Variants in OR8H1 observed in about 807,000 individuals in gnomAD.
The protein encoded by OR8H1 is olfactory receptor 8H1.
For missense variants in OR8H1, 388 were observed against 374.1 expected (o/e 1.04, Z -0.31); for synonymous variants, 135 against 134.5 (o/e 1.00, Z -0.03).
At position 56,290,205 on chromosome 11, in the gene OR8H1, T is replaced by G; in HGVS notation, c.858A>C (p.Pro286=). ...FYTIVIPMLN[P]LIYSLRNKEV... is the part of the protein sequence containing the mutation. Reference sequence around the variant, plus strand: ...CTTTGTTTCTAAGACTATAAATGAGTGGATTCAGCATGGGAATCACAATAG... The same window carrying G: ...CTTTGTTTCTAAGACTATAAATGAGGGGATTCAGCATGGGAATCACAATAG... Residue 286 remains proline (P), a synonymous_variant, in exon 2 of 2, where the codon CCA becomes CCC. Transcript: ENST00000641600. 1 of 1,612,114 alleles carries G rather than the reference T, an allele frequency of 6.2e-7. No individual in the cohort carries two copies. Among genetic ancestry groups the G allele is most frequent in the African/African-American group, 1.3e-5 (1 of 74,764 alleles).
rs759750520 is a variant in OR8H1, at chr11:56,290,152, A to T, written c.911T>A (p.Met304Lys). ...KEVKNALIRV[M>K]QRRQDSR is the part of the protein sequence containing the mutation. Reference sequence around the variant, plus strand: ...TTACCTGGAGTCCTGTCTTCTCTGCATGACTCTAATGAGAGCATTTTTAAC... The same window carrying T: ...TTACCTGGAGTCCTGTCTTCTCTGCTTGACTCTAATGAGAGCATTTTTAAC... Residue 304 changes from methionine to lysine, a missense_variant, in exon 2 of 2, where the codon ATG becomes AAG. Transcript: ENST00000641600. The T allele has an allele frequency of 6.2e-7, 1 of 1,606,898 alleles. No individual in the cohort carries two copies. Among genetic ancestry groups the T allele is most frequent in the Non-Finnish European group, 8.5e-7 (1 of 1,177,138 alleles).
rs191885508 is a variant in OR8H1 at position 56,290,914 on chromosome 11, C to G, written c.149G>C (p.Arg50Pro). The G allele has an allele frequency of 3.7e-6, 6 of 1,613,998 alleles. No homozygotes were observed. The highest frequency in any genetic ancestry group is 5.1e-6 in the Non-Finnish European group (6 of 1,179,994). The change falls in exon 2 of 2, where the codon CGC becomes CCC. Residue 50 changes from arginine to proline, a missense_variant. By Grantham distance (103) the Arg-to-Pro change is moderately radical. Transcript: ENST00000641600. ...LGNVGMILII[R>P]LDLQLHTPMY... ...GGGAGTGTGAAGCTGGAGGTCCAGG[C>G]GGATTATCAATATCATCCCCACATT... is the stretch of plus-strand genomic sequence containing the variant.
At chr11:56,291,720 A>T (rs1854154903) in intron 1 of OR8H1, among the ~76,000 whole-genome samples, 1 of 152,100 alleles carries the variant, frequency 6.6e-6, no homozygotes, top group Admixed American at 6.5e-5. Context: ...TACAAATATG[A>T]TGTTTTAGTA....
rs768104513 is a variant in OR8H1 at position 56,290,201 on chromosome 11, TG to T, written c.861del (p.Ile288PhefsTer26). 2 of 1,612,236 alleles carry T rather than the reference TG, an allele frequency of 1.2e-6. No homozygotes were observed. ...ACTTCTTTGTTTCTAAGACTATAAATGAGTGGATTCAGCATGGGAATCACAA... is the reference window on the plus strand; with the variant it reads ...ACTTCTTTGTTTCTAAGACTATAAATAGTGGATTCAGCATGGGAATCACAA... ...YTIVIPMLNPLIYSLRNKEVK... is the reference protein window; with the variant it reads ...YTIVIPMLNPXIYSLRNKEVK... On this transcript the variant is annotated frameshift_variant, in exon 2 of 2. Transcript: ENST00000641600. LOFTEE classifies it low-confidence loss of function (END_TRUNC).
At position 56,290,118 on chromosome 11, in the gene OR8H1, C is replaced by A; in HGVS notation, c.*9G>T. On this transcript the variant is annotated 3_prime_UTR_variant, in exon 2 of 2. Coordinates refer to ENST00000641600, the MANE Select transcript of OR8H1 (RefSeq NM_001005199.2). The stretch of plus-strand genomic sequence containing the variant: ...TGAGTTTAAATGTTCAGCATTCCTG[C>A]TATTTTAATTACCTGGAGTCCTGTC... 1 of 1,583,284 alleles carries A rather than the reference C, an allele frequency of 6.3e-7. No homozygotes were observed.
intron 1 of OR8H1, among the ~76,000 whole-genome samples, 170 bp downstream of exon 1, chr11:56,291,781 T>C (rs891175647): frequency 3.9e-5 from 6 of 152,162 alleles, no homozygotes; most frequent in Admixed American, 1.3e-4. Flanking sequence ...GATCAAAATA[T>C]GTACTTTGCT....
Position 56,290,304 on chromosome 11 carries a change from A to G in OR8H1, c.759T>C (p.Thr253=). Residue 253 remains threonine (T), a synonymous_variant, in exon 2 of 2, where the codon ACT becomes ACC. Transcript: ENST00000641600. ...HLLGVTIFYG[T]MIFTYLKPRK... The stretch of plus-strand genomic sequence containing the variant: ...TTGGTTTTAAATAAGTAAAAATCAT[A>G]GTTCCATAAAAGATGGTGACTCCCA... 6.2e-7 allele frequency: 1 copy of G among 1,613,474 alleles called. No homozygotes were observed. The highest frequency in any genetic ancestry group is 8.5e-7 in the Non-Finnish European group (1 of 1,179,846).
rs888106428 is a variant in OR8H1, at chr11:56,288,807, A to G, written c.*1320T>C. 2 of 152,166 alleles carry G rather than the reference A, an allele frequency of 1.3e-5. No homozygotes were observed. The highest frequency in any genetic ancestry group is 2.9e-5 in the Non-Finnish European group (2 of 67,974). The allele number at this position is 152,166 out of a possible 1,614,324, so 9.4% of individuals were successfully genotyped here. ...ACATATTCAAAACTATTGATCTCGAAGAACATGCACAAAACTCGATATTTG... is the reference window on the plus strand; with the variant it reads ...ACATATTCAAAACTATTGATCTCGAGGAACATGCACAAAACTCGATATTTG... On this transcript the variant is annotated 3_prime_UTR_variant, in exon 2 of 2. Coordinates refer to ENST00000641600, the MANE Select transcript of OR8H1 (RefSeq NM_001005199.2).
At position 56,291,012 on chromosome 11, in the gene OR8H1, C is replaced by G. The variant is rs1459555232; in HGVS notation, c.51G>C (p.Leu17=). 19 of 1,613,192 alleles carry G rather than the reference C, an allele frequency of 1.2e-5. No individual in the cohort carries two copies. The highest frequency in any genetic ancestry group is 1.5e-5 in the Non-Finnish European group (18 of 1,179,626). The change falls in exon 2 of 2, where the codon CTG becomes CTC. Residue 17 remains leucine (L), a synonymous_variant. Transcript: ENST00000641600. ...TNVPDFILTG[L]SDSEEVQMAL... ...CCATCTGGACCTCTTCAGAATCTGA[C>G]AGTCCCGTAAGGATGAAGTCAGGCA...
At position 56,292,040 on chromosome 11, in the gene OR8H1, A is replaced by G. The variant is rs1565100993; in HGVS notation, c.-112T>C. On this transcript the variant is annotated 5_prime_UTR_variant, in exon 1 of 2. Coordinates refer to ENST00000641600, the MANE Select transcript of OR8H1 (RefSeq NM_001005199.2). ...CCTCAATTTTTCTTATAAATAAAAT[A>G]TGAAAACCATTTAAGGAGATAAAAT... The G allele has an allele frequency of 6.6e-6, 1 of 152,240 alleles. No homozygotes were observed. Among genetic ancestry groups the G allele is most frequent in the African/African-American group, 2.4e-5 (1 of 41,468 alleles). The allele number at this position is 152,240 out of a possible 1,614,324, so 9.4% of individuals were successfully genotyped here.
Position 56,289,652 on chromosome 11 carries a change from G to A in OR8H1, c.*475C>T, listed in dbSNP as rs577538276. 7.5e-4 allele frequency: 121 copies of A among 160,606 alleles called. 1 individual carries two copies. The highest frequency in any genetic ancestry group is 2.7e-3 in the African/African-American group (112 of 41,526). 9.9% of individuals were successfully genotyped at this position (160,606 alleles called of 1,614,324 possible). ...CTGTTTTGTTTTGAGACGGAGTTTCGCTCTTGTTGCCCAGGCTGGAGTCCA... is the reference window on the plus strand; with the variant it reads ...CTGTTTTGTTTTGAGACGGAGTTTCACTCTTGTTGCCCAGGCTGGAGTCCA... On this transcript the variant is annotated 3_prime_UTR_variant, in exon 2 of 2. Transcript: ENST00000641600.
rs779379492 is a variant in OR8H1, at chr11:56,290,643, A to C, written c.420T>G (p.Cys140Trp). 2 of 1,614,156 alleles carry C rather than the reference A, an allele frequency of 1.2e-6. No individual in the cohort carries two copies. Among genetic ancestry groups the C allele is most frequent in the South Asian group, 2.2e-5 (2 of 91,056 alleles). Reference sequence around the variant, plus strand: ...CATAGGGCCCAGTGACAAGAGCGCAACACAGCCTTTTGGACATAATAACTG... The same window carrying C: ...CATAGGGCCCAGTGACAAGAGCGCACCACAGCCTTTTGGACATAATAACTG... ...RYPVIMSKRL[C>W]CALVTGPYVI... The change falls in exon 2 of 2, where the codon TGT (cysteine) becomes TGG (tryptophan). Residue 140 changes from cysteine to tryptophan, a missense_variant. Transcript: ENST00000641600.
Position 56,289,904 on chromosome 11 carries a change from GC to G in OR8H1, c.*222del. On this transcript the variant is annotated 3_prime_UTR_variant, in exon 2 of 2. Coordinates refer to ENST00000641600, the MANE Select transcript of OR8H1 (RefSeq NM_001005199.2). ...CAGAGTGCTGGGATTATAGGCATGA[GC>G]CACCGTGCCCGGCCAACACATATTA... The G allele has an allele frequency of 3.5e-6, 2 of 564,512 alleles. No homozygotes were observed. Among genetic ancestry groups the G allele is most frequent in the Non-Finnish European group, 6.3e-6 (2 of 316,356 alleles). 35.0% of individuals were successfully genotyped at this position (564,512 alleles called of 1,614,324 possible).
At chr11:56,291,113 G>A (rs1854147536) in intron 1 of OR8H1, 29 bp from the exon 2 acceptor site, 1 of 1,297,454 alleles carries the variant, frequency 7.7e-7, no homozygotes, top group South Asian at 1.4e-5. Context: ...TACTTAACAT[G>A]AATGACTTCA....
In OR8H1 at chr11:56,290,217, G is replaced by A. The variant is rs1458121867; in HGVS notation, c.846C>T (p.Pro282=). The A allele has an allele frequency of 6.2e-7, 1 of 1,611,606 alleles. No homozygotes were observed. The highest frequency in any genetic ancestry group is 1.3e-5 in the African/African-American group (1 of 74,684). ...VASVFYTIVI[P]MLNPLIYSLR... ...GACTATAAATGAGTGGATTCAGCAT[G>A]GGAATCACAATAGTATAAAAAACAG... is the stretch of plus-strand genomic sequence containing the variant. Residue 282 remains proline (P), a synonymous_variant, in exon 2 of 2, where the codon CCC becomes CCT. Transcript: ENST00000641600.
chr11:56,291,023 G>A lies in OR8H1; in HGVS notation c.40C>T (p.Leu14Phe). Residue 14 changes from leucine to phenylalanine, a missense_variant, in exon 2 of 2, where the codon CTT becomes TTT. Coordinates refer to ENST00000641600, the MANE Select transcript of OR8H1 (RefSeq NM_001005199.2). ...RNNTNVPDFI[L>F]TGLSDSEEVQ... ...TCTTCAGAATCTGACAGTCCCGTAA[G>A]GATGAAGTCAGGCACATTTGTGTTA... The A allele has an allele frequency of 1.2e-6, 2 of 1,608,050 alleles. No individual in the cohort carries two copies. The highest frequency in any genetic ancestry group is 1.7e-6 in the Non-Finnish European group (2 of 1,177,506).
At position 56,292,039 on chromosome 11, in the gene OR8H1, T is replaced by G. The variant is rs911490159; in HGVS notation, c.-111A>C. 1.3e-5 allele frequency: 2 copies of G among 152,210 alleles called. No individual in the cohort carries two copies. The highest frequency in any genetic ancestry group is 4.8e-5 in the African/African-American group (2 of 41,464). The allele number at this position is 152,210 out of a possible 1,614,324, so 9.4% of individuals were successfully genotyped here. ...ACCTCAATTTTTCTTATAAATAAAA[T>G]ATGAAAACCATTTAAGGAGATAAAA... On this transcript the variant is annotated 5_prime_UTR_variant, in exon 1 of 2. Transcript: ENST00000641600.
chr11:56,290,615 T>C lies in OR8H1; in HGVS notation c.448A>G (p.Ile150Val). 1 of 1,614,112 alleles carries C rather than the reference T, an allele frequency of 6.2e-7. No homozygotes were observed. The highest frequency in any genetic ancestry group is 1.1e-5 in the South Asian group (1 of 91,084). The change falls in exon 2 of 2, where the codon ATT becomes GTT. Residue 150 changes from isoleucine to valine, a missense_variant. Ile to Val is a conservative substitution (Grantham distance 29). Coordinates refer to ENST00000641600, the MANE Select transcript of OR8H1 (RefSeq NM_001005199.2). The stretch of plus-strand genomic sequence containing the variant: ...TTGACAAAGGAGTTGATAAAGCTAA[T>C]CACATAGGGCCCAGTGACAAGAGCG... Reference protein sequence around the residue: ...CCALVTGPYVISFINSFVNVV... With the variant: ...CCALVTGPYVVSFINSFVNVV...
chr11:56,292,041 T>G lies in OR8H1; in HGVS notation c.-113A>C, dbSNP rs941011117. ...CTCAATTTTTCTTATAAATAAAATA[T>G]GAAAACCATTTAAGGAGATAAAATT... is the stretch of plus-strand genomic sequence containing the variant. On this transcript the variant is annotated 5_prime_UTR_variant, in exon 1 of 2. Coordinates refer to ENST00000641600, the MANE Select transcript of OR8H1 (RefSeq NM_001005199.2). 2 of 152,230 alleles carry G rather than the reference T, an allele frequency of 1.3e-5. No homozygotes were observed. Among genetic ancestry groups the G allele is most frequent in the African/African-American group, 4.8e-5 (2 of 41,472 alleles). The allele number at this position is 152,230 out of a possible 1,614,324, so 9.4% of individuals were successfully genotyped here.
Sources: allele counts gnomAD v4.1 joint callset (sites outside exome capture counted in the v4.1 genomes callset), GRCh38; gene constraint gnomAD v4.1.1; transcripts MANE v1.5; gene names NCBI Gene and HGNC (gene_info 2026-07-23, HGNC 2026-07-21).